The following TRAK1 variants were observed in gnomAD, a reference collection of about 807,000 sequenced individuals.
TRAK1 encodes the protein trafficking kinesin-binding protein 1.
In TRAK1, 33 loss-of-function variants were observed where a neutral mutation model predicts 92.1. The ratio of observed to expected loss-of-function variants is 0.36; its 90% CI spans 0.27 to 0.48. The LOEUF (loss-of-function observed/expected upper bound fraction) is 0.48, where lower values mean the gene tolerates loss of function less well. Among genes scored for constraint, TRAK1 ranks in the 20% least tolerant of loss-of-function variants. The pLI, the probability that TRAK1 is intolerant of heterozygous loss-of-function variation, is 0.99. For synonymous variants in TRAK1, 521 were observed against 517.3 expected (o/e 1.01, Z -0.10); for missense variants, 1,123 against 1,257.9 (o/e 0.89, Z 1.62).
intron 2 of TRAK1, among the ~76,000 whole-genome samples, chr3:42,141,061 G>A (rs1254245033): frequency 6.6e-6 from 1 of 152,074 alleles, no homozygotes; most frequent in East Asian, 1.9e-4. Flanking sequence ...TATCTGTGAG[G>A]TCTGAGACAC....
At chr3:42,090,908 A>G (rs560294421), upstream of TRAK1, among the ~76,000 whole-genome samples, 3 of 152,314 alleles carry the variant, frequency 2.0e-5, no homozygotes, top group South Asian at 2.1e-4. Flanking sequence ...CAGGTGATGG[A>G]GAACATGCTC....
At chr3:42,200,631 C>T (rs760386873) in intron 11 of TRAK1, among the ~76,000 whole-genome samples, 187 bp from the exon 12 acceptor site, 1 of 152,150 alleles carries the variant, frequency 6.6e-6, no homozygotes, top group African/African-American at 2.4e-5. Context: ...TTGAATCTCT[C>T]AAATTTCGCA....
intron 1 of TRAK1, among the ~76,000 whole-genome samples, chr3:42,101,754 GT>G (rs1452299664): frequency 2.0e-5 from 3 of 152,178 alleles, no homozygotes; most frequent in African/African-American, 7.2e-5. Flanking sequence ...TTAAGCCATA[GT>G]TTGCAGACTC....
chr3:42,026,753 G>A (rs949262916), intron 1 of TRAK1, among the ~76,000 whole-genome samples: 4 of 151,980 alleles, frequency 2.6e-5, no homozygotes, highest in African/African-American at 7.2e-5. Context: ...TTGAACTCCC[G>A]ACCTCAGGTG....
chr3:42,163,259 A>G (rs999173505), intron 2 of TRAK1, among the ~76,000 whole-genome samples: 5 of 152,134 alleles, frequency 3.3e-5, no homozygotes, highest in African/African-American at 9.7e-5. Flanking sequence ...AGGATCACCT[A>G]GGAACTTGTT....
chr3:42,097,420 C>T (rs11918098), intron 1 of TRAK1, among the ~76,000 whole-genome samples: 81,437 of 151,908 alleles, frequency 0.54, 22,529 homozygotes, highest in South Asian at 0.68. Flanking sequence ...AGTGTGTGGG[C>T]GCTCACTGTC....
rs184283814 is a variant in TRAK1, at chr3:42,156,165, C to T, written c.287-20649C>T. Among the ~76,000 whole-genome samples the T allele has an allele frequency of 2.0e-5, 3 of 152,342 alleles. No homozygotes were observed. In the East Asian group the frequency reaches 5.8e-4, roughly 29 times the overall value. On this transcript the variant is annotated intron_variant, in intron 2 of 15. Transcript: ENST00000327628. ...CATCCCTTGGTTGGCACAGGGATTC[C>T]CAGGCTTTCTTGCCGGTCTTTGGGG...
chr3:42,121,448 A>T (rs1709852774), intron 1 of TRAK1, among the ~76,000 whole-genome samples: 1 of 151,632 alleles, frequency 6.6e-6, no homozygotes, highest in African/African-American at 2.4e-5. Context: ...TTTAGTAGAA[A>T]CAGGGTTTCA....
At chr3:42,212,349 A>C (rs1308850507) in intron 14 of TRAK1, 1 of 985,456 alleles carries the variant, frequency 1.0e-6, no homozygotes, top group South Asian at 4.7e-5. Flanking sequence ...GTAGGGAGAC[A>C]CTTTGGAGAC....
chr3:42,090,921 A>G (rs115121277), upstream of TRAK1: 813 of 154,404 alleles, frequency 5.3e-3, 6 homozygotes, highest in Admixed American at 8.1e-3. Context: ...ACATGCTCGG[A>G]TTAAAGTTTT....
At position 42,202,985 on chromosome 3, in the gene TRAK1, G is replaced by A; in HGVS notation, c.1744+233G>A. ...ACACATAGGCCATGAAACTCGCCGA[G>A]GAAAGACAAGCATGTGCACTGTGGT... On this transcript the variant is annotated intron_variant, in intron 13 of 15. Coordinates refer to ENST00000327628, the MANE Select transcript of TRAK1 (RefSeq NM_001042646.3). The surrounding 1 kb of genome is among the most constrained non-coding windows in gnomAD (Gnocchi z 6.1). 7.5e-7 allele frequency: 1 copy of A among 1,332,210 alleles called. No individual in the cohort carries two copies. Among genetic ancestry groups the A allele is most frequent in the Non-Finnish European group, 9.6e-7 (1 of 1,040,230 alleles). 82.5% of individuals were successfully genotyped at this position (1,332,210 alleles called of 1,614,324 possible).
At chr3:42,219,346 A>G (rs1710078150) in intron 14 of TRAK1, 148 bp from the exon 15 acceptor site, 3 of 1,536,494 alleles carry the variant, frequency 2.0e-6, no homozygotes, top group Non-Finnish European at 1.8e-6. Flanking sequence ...CCTTCAATCC[A>G]GAACATTTGC....
chr3:42,037,901 C>G (rs1379600085), intron 1 of TRAK1, among the ~76,000 whole-genome samples: 1 of 152,168 alleles, frequency 6.6e-6, no homozygotes, highest in East Asian at 1.9e-4. Flanking sequence ...GGAGTGGAGC[C>G]TGGGAAATCC....
intron 14 of TRAK1, chr3:42,210,329 G>T: frequency 6.7e-7 from 1 of 1,489,158 alleles, no homozygotes; most frequent in Non-Finnish European, 8.9e-7. Flanking sequence ...TGTAACAATG[G>T]GTGTAGCTCC....
At chr3:42,047,879 A>G (rs909068275) in intron 1 of TRAK1, among the ~76,000 whole-genome samples, 11 of 148,652 alleles carry the variant, frequency 7.4e-5, no homozygotes, top group African/African-American at 2.7e-4. Flanking sequence ...AGGCAATCAT[A>G]TGCACATAGC....
intron 6 of TRAK1, 45 bp downstream of exon 6, chr3:42,189,169 C>T (rs781645134): frequency 6.9e-6 from 10 of 1,440,494 alleles, no homozygotes; most frequent in Non-Finnish European, 9.8e-6. Context: ...AGGGTGGTGG[C>T]CCCATTCGCC....
Position 42,212,116 on chromosome 3 carries a change from C to T in TRAK1, c.1963+2131C>T, listed in dbSNP as rs189405300. 3.4e-4 allele frequency: 332 copies of T among 985,386 alleles called. No individual in the cohort carries two copies. The African/African-American group carries it at 5.4e-3, about 16-fold the overall frequency. The allele number at this position is 985,386 out of a possible 1,614,324, so 61.0% of individuals were successfully genotyped here. On this transcript the variant is annotated intron_variant, in intron 14 of 15. Transcript: ENST00000327628. ...GATTCTTAGAATGTAAAAAGCATAT[C>T]GCTAAGTAAATCATCCTGGAGGTCC...
rs9968200 is a variant in TRAK1 at position 42,115,412 on chromosome 3, C to T, written c.92-10008C>T. On this transcript the variant is annotated intron_variant, in intron 1 of 15. Transcript: ENST00000327628. ...CACATTCAGTTGCCCTTTAGCCTCA[C>T]GTCGGACACCCTGTTTCCAAACACG... 3.0e-3 allele frequency among the ~76,000 whole-genome samples: 454 copies of T among 152,238 alleles called. 1 individual carries two copies. Among genetic ancestry groups the T allele is most frequent in the African/African-American group, 0.01 (431 of 41,530 alleles).
chr3:42,171,811 G>A (rs559690414), intron 2 of TRAK1, among the ~76,000 whole-genome samples: 4 of 152,250 alleles, frequency 2.6e-5, no homozygotes, highest in East Asian at 1.9e-4. Context: ...CCTGCACACC[G>A]TATGTTTGGG....
Sources: gnomAD v4.1 joint callset for allele counts (sites outside exome capture counted in the v4.1 genomes callset) on GRCh38, gnomAD v4.1.1 for gene constraint, Gnocchi (gnomAD v3.1) non-coding constraint, MANE v1.5 for transcripts, NCBI Gene and HGNC (gene_info 2026-07-23, HGNC 2026-07-21) for gene names.